RAB3IP: variants seen among roughly 807,000 people sequenced by gnomAD.
RAB3IP encodes rab-3A-interacting protein.
A neutral mutation model predicts 59.1 loss-of-function variants in RAB3IP; 36 were observed. The observed-to-expected ratio is 0.61, with a 90% confidence interval of 0.47 to 0.80. The LOEUF (loss-of-function observed/expected upper bound fraction) is 0.80. Ranked by LOEUF, RAB3IP falls within the 30% of genes least tolerant of loss-of-function variation. The probability of loss-of-function intolerance (pLI) is 0.00; values close to 1 mark genes in which losing one functional copy is unlikely to be tolerated. For missense variants in RAB3IP, 511 were observed against 536.0 expected (o/e 0.95, Z 0.46); for synonymous variants, 207 against 191.2 (o/e 1.08, Z -0.68).
chr12:69,748,307 G>T (rs1868674192), intron 1 of RAB3IP, among the ~76,000 whole-genome samples: 1 of 151,982 alleles, frequency 6.6e-6, no homozygotes, highest in Admixed American at 6.5e-5. Flanking sequence ...TTGTCCTAGG[G>T]ATGGCTTTTG....
At chr12:69,740,725 C>T (rs1049003869) in intron 1 of RAB3IP, among the ~76,000 whole-genome samples, 18 of 152,294 alleles carry the variant, frequency 1.2e-4, no homozygotes, top group Admixed American at 3.3e-4. Flanking sequence ...TTTGTCTAAA[C>T]TCTCATCCTC....
chr12:69,764,174 T>C (rs1042973208), intron 3 of RAB3IP, among the ~76,000 whole-genome samples: 4 of 152,226 alleles, frequency 2.6e-5, no homozygotes, highest in Admixed American at 6.5e-5. Context: ...CCAAGGCTGA[T>C]GTCCAGAATG....
chr12:69,798,686 T>C (rs1316088935), intron 6 of RAB3IP, among the ~76,000 whole-genome samples: 3 of 152,218 alleles, frequency 2.0e-5, no homozygotes, highest in Non-Finnish European at 4.4e-5. Flanking sequence ...TAATCCATCT[T>C]GAATTGATTT....
rs188439455 is a variant in RAB3IP, at chr12:69,744,201, G to A, written c.-26+5170G>A. Among the ~76,000 whole-genome samples, 13 of 151,858 alleles carry A rather than the reference G, an allele frequency of 8.6e-5. 1 individual carries two copies. The East Asian group carries it at 1.9e-3, about 23-fold the overall frequency. On this transcript the variant is annotated intron_variant, in intron 1 of 10. Coordinates refer to ENST00000247833, the MANE Select transcript of RAB3IP (RefSeq NM_022456.5). ...CTCCCTGTGTCCGTGTGTTCTCATT[G>A]TTCATCTCCCACTTATGAGTGAGAA...
At chr12:69,792,311 AAG>A (rs1332111120) in intron 4 of RAB3IP, among the ~76,000 whole-genome samples, 3 of 152,124 alleles carry the variant, frequency 2.0e-5, no homozygotes, top group Non-Finnish European at 4.4e-5. Flanking sequence ...CTCCAAAAAA[AAG>A]GTAACTGAGA....
At chr12:69,803,146 A>G (rs1878657935) in intron 8 of RAB3IP, among the ~76,000 whole-genome samples, 1 of 152,220 alleles carries the variant, frequency 6.6e-6, no homozygotes, top group African/African-American at 2.4e-5. Context: ...TCATCAAATG[A>G]TAACAAATGG....
intron 6 of RAB3IP, 38 bp downstream of exon 6, chr12:69,795,382 T>TA (rs1457286721): frequency 1.3e-6 from 2 of 1,517,558 alleles, no homozygotes; most frequent in Admixed American, 3.4e-5. Flanking sequence ...ACTCTGTTGA[T>TA]ACTTGTTAGT....
intron 2 of RAB3IP, 85 bp from the exon 3 acceptor site, chr12:69,756,320 A>G: frequency 7.4e-7 from 1 of 1,354,632 alleles, no homozygotes; most frequent in Non-Finnish European, 1.0e-6. Flanking sequence ...CAAATTGGGT[A>G]GTACAGTTCT....
In RAB3IP at chr12:69,819,550, T is replaced by G. The variant is rs1265632387; in HGVS notation, c.*4104T>G. ...ACACTTTGGAGATGAAGTACAGCAC[T>G]GAGCCCTGAGTTCCTGTGACAGAGA... On this transcript the variant is annotated 3_prime_UTR_variant, in exon 11 of 11. Transcript: ENST00000247833. 6.6e-6 allele frequency: 1 copy of G among 152,354 alleles called. No individual in the cohort carries two copies. Among genetic ancestry groups the G allele is most frequent in the Non-Finnish European group, 1.5e-5 (1 of 68,158 alleles). The allele number at this position is 152,354 out of a possible 1,614,324, so 9.4% of individuals were successfully genotyped here. A position where few individuals can be genotyped will look rare whatever the true frequency, so the allele number is the denominator to read the frequency against.
intron 8 of RAB3IP, 65 bp downstream of exon 8, chr12:69,801,786 AT>A: frequency 9.8e-7 from 1 of 1,021,068 alleles, no homozygotes. Flanking sequence ...GGTTGCAGTT[AT>A]TTAGTTTTTC....
Position 69,817,369 on chromosome 12 carries a change from T to G in RAB3IP, c.*1923T>G, listed in dbSNP as rs1209075517. The G allele has an allele frequency of 6.6e-6, 1 of 151,964 alleles. No homozygotes were observed. The highest frequency in any genetic ancestry group is 1.5e-5 in the Non-Finnish European group (1 of 68,004). The allele number at this position is 151,964 out of a possible 1,614,324, so 9.4% of individuals were successfully genotyped here. On this transcript the variant is annotated 3_prime_UTR_variant, in exon 11 of 11. Coordinates refer to ENST00000247833, the MANE Select transcript of RAB3IP (RefSeq NM_022456.5). ...GTGGAATTATAGATTAAAATGTGAT[T>G]GAAACATATTTAGAAAATGTGATTA...
At chr12:69,740,116 A>G (rs1887166009) in intron 1 of RAB3IP, among the ~76,000 whole-genome samples, 1 of 152,082 alleles carries the variant, frequency 6.6e-6, no homozygotes, top group Non-Finnish European at 1.5e-5. Context: ...CAGTTGAAAG[A>G]CCCAGTTCTT....
In RAB3IP at chr12:69,820,986, T is replaced by G. The variant is rs1565946796; in HGVS notation, c.*5540T>G. 1 of 151,222 alleles carries G rather than the reference T, an allele frequency of 6.6e-6. No homozygotes were observed. The highest frequency in any genetic ancestry group is 1.5e-5 in the Non-Finnish European group (1 of 67,896). The allele number at this position is 151,222 out of a possible 1,614,324, so 9.4% of individuals were successfully genotyped here. A position where few individuals can be genotyped will look rare whatever the true frequency, so the allele number is the denominator to read the frequency against. ...ATTTGCAAAACTTAAAAAAAAAATG[T>G]AGAAGAGGACTAAACTTGATAAAAT... On this transcript the variant is annotated 3_prime_UTR_variant, in exon 11 of 11. Coordinates refer to ENST00000247833, the MANE Select transcript of RAB3IP (RefSeq NM_022456.5).
intron 1 of RAB3IP, chr12:69,739,728 T>C (rs1336573822): frequency 2.2e-5 from 22 of 1,003,840 alleles, no homozygotes; most frequent in Non-Finnish European, 3.4e-5. Flanking sequence ...TGGGATTGCA[T>C]GGCTCTGCCC....
At chr12:69,770,637 AGTTTT>A (rs1264406384) in intron 3 of RAB3IP, among the ~76,000 whole-genome samples, 1 of 152,036 alleles carries the variant, frequency 6.6e-6, no homozygotes, top group African/African-American at 2.4e-5. Context: ...TGCAGTGATT[AGTTTT>A]GTTTCTTTCC....
intron 4 of RAB3IP, among the ~76,000 whole-genome samples, chr12:69,791,580 T>TA (rs1424325526): frequency 6.6e-6 from 1 of 152,146 alleles, no homozygotes; most frequent in Non-Finnish European, 1.5e-5. Flanking sequence ...CCAGCATCAG[T>TA]AATCATCAGG....
At chr12:69,765,467 C>T (rs955150789) in intron 3 of RAB3IP, among the ~76,000 whole-genome samples, 3 of 152,178 alleles carry the variant, frequency 2.0e-5, no homozygotes, top group African/African-American at 2.4e-5. Context: ...TTGAACCAGT[C>T]TTGCATCCCA....
chr12:69,793,626 C>T (rs1183589004), intron 4 of RAB3IP, among the ~76,000 whole-genome samples: 1 of 152,052 alleles, frequency 6.6e-6, no homozygotes, highest in Non-Finnish European at 1.5e-5. Context: ...ATAAAATGAT[C>T]ATGTCTTCCT....
intron 6 of RAB3IP, among the ~76,000 whole-genome samples, chr12:69,798,663 A>G (rs1877910489): frequency 3.9e-5 from 6 of 152,158 alleles, no homozygotes; most frequent in Non-Finnish European, 8.8e-5. Flanking sequence ...TTTAGGTCTA[A>G]CATTTAAGTC....
Sources: gnomAD v4.1 joint callset for allele counts (sites outside exome capture counted in the v4.1 genomes callset) on GRCh38, gnomAD v4.1.1 for gene constraint, MANE v1.5 for transcripts, NCBI Gene and HGNC (gene_info 2026-07-23, HGNC 2026-07-21) for gene names.